Variants in TAF1C observed in about 807,000 individuals in gnomAD.
The protein encoded by TAF1C is TATA box-binding protein-associated factor RNA polymerase I subunit C.
A neutral mutation model predicts 70.5 loss-of-function variants in TAF1C; 79 were observed. That is an observed-to-expected ratio of 1.12 (90% CI 0.93 to 1.35). The LOEUF is 1.35. Ranked by LOEUF, TAF1C falls within the 40% of genes most tolerant of loss-of-function variation. The pLI is 0.00. For missense variants in TAF1C, 1,412 were observed against 1,127.8 expected, an observed-to-expected ratio of 1.25 and a Z score of -3.61; for synonymous variants, 614 against 491.1, an observed-to-expected ratio of 1.25 and a Z score of -3.31.
chr16:84,185,300 T>C (rs1373048439), intron 1 of TAF1C: 10 of 227,188 alleles, frequency 4.4e-5, no homozygotes, highest in Non-Finnish European at 8.6e-6. Context: ...GAGAGAACCA[T>C]GTACGCAACT....
At position 84,179,342 on chromosome 16, in the gene TAF1C, G is replaced by T; in HGVS notation, c.2131C>A (p.Gln711Lys). 6.2e-7 allele frequency: 1 copy of T among 1,601,262 alleles called. No homozygotes were observed. The change falls in exon 15 of 15, where the codon CAG becomes AAG. Residue 711 changes from glutamine (Q) to lysine (K), a missense_variant. Gln to Lys is a moderately conservative substitution (Grantham distance 53, BLOSUM62 1). Transcript: ENST00000566732. ...GRGAAWWERQQGRTSEPGRQT... is the reference protein window; with the variant it reads ...GRGAAWWERQKGRTSEPGRQT... ...CTCCCGGGCTCCGAGGTCCTGCCCT[G>T]CTGCCTCTCCCACCAGGCAGCCCCT... is the stretch of plus-strand genomic sequence containing the variant.
Position 84,181,731 on chromosome 16 carries a change from C to G in TAF1C, c.956+15G>C, listed in dbSNP as rs1198954671. On this transcript the variant is annotated intron_variant, in intron 9 of 14. Coordinates refer to ENST00000566732, the MANE Select transcript of TAF1C (RefSeq NM_001243156.2). ...CCTCCAGCCCCTCCTCACCGACCAA[C>G]CTGACCCCCCTCACCTGAGGCTGAT... is the stretch of plus-strand genomic sequence containing the variant. 1.9e-6 allele frequency: 3 copies of G among 1,613,904 alleles called. No individual in the cohort carries two copies. Among genetic ancestry groups the G allele is most frequent in the Non-Finnish European group, 2.5e-6 (3 of 1,179,810 alleles).
chr16:84,182,665 G>A lies in TAF1C; in HGVS notation c.483-225C>T, dbSNP rs1265290118. On this transcript the variant is annotated intron_variant, in intron 6 of 14. Coordinates refer to ENST00000566732, the MANE Select transcript of TAF1C (RefSeq NM_001243156.2). The surrounding 1 kb of genome is among the most constrained non-coding windows in gnomAD (Gnocchi z 5.0). ...TTGCCACAGTGACTGGTTCACAGAT[G>A]GGTGTGAGACCCAAGCCAAGCCAAC... Among the ~76,000 whole-genome samples, 1 of 152,178 alleles carries A rather than the reference G, an allele frequency of 6.6e-6. No individual in the cohort carries two copies.
Position 84,178,833 on chromosome 16 carries a change from AG to A in TAF1C, c.*107del. The A allele has an allele frequency of 7.8e-7, 1 of 1,276,030 alleles. No homozygotes were observed. Among genetic ancestry groups the A allele is most frequent in the Non-Finnish European group, 1.1e-6 (1 of 937,410 alleles). The allele number at this position is 1,276,030 out of a possible 1,614,324, so 79.0% of individuals were successfully genotyped here. ...TTGGCTCATCATCACAGTGGCCTCC[AG>A]AAGGTGGCGAGCTCTGCTTCTCAAG... On this transcript the variant is annotated 3_prime_UTR_variant, in exon 15 of 15. Transcript: ENST00000566732.
Position 84,184,997 on chromosome 16 carries a change from C to T in TAF1C, c.-9G>A, listed in dbSNP as rs1170180971. ...GAGCTGGGGAAGTCCATCCTGGAAA[C>T]AAGGACCAAGCACCACACTGGCCAC... is the stretch of plus-strand genomic sequence containing the variant. On this transcript the variant is annotated 5_prime_UTR_variant, in exon 2 of 15. Coordinates refer to ENST00000566732, the MANE Select transcript of TAF1C (RefSeq NM_001243156.2). 5.0e-6 allele frequency: 8 copies of T among 1,612,352 alleles called. No homozygotes were observed. The Admixed American group carries it at 1.3e-4, about 27-fold the overall frequency.
In TAF1C at chr16:84,178,224, A is replaced by T; in HGVS notation, c.*717T>A. On this transcript the variant is annotated 3_prime_UTR_variant, in exon 15 of 15. Coordinates refer to ENST00000566732, the MANE Select transcript of TAF1C (RefSeq NM_001243156.2). Reference sequence around the variant, plus strand: ...ATTCCCCCAAACTGACATGACCGTGACCCTCTGCTCAGAGGGCACTATCGA... The same window carrying T: ...ATTCCCCCAAACTGACATGACCGTGTCCCTCTGCTCAGAGGGCACTATCGA... The T allele has an allele frequency of 2.4e-6, 1 of 411,448 alleles. No homozygotes were observed. Among genetic ancestry groups the T allele is most frequent in the East Asian group, 7.1e-5 (1 of 14,136 alleles). The allele number at this position is 411,448 out of a possible 1,614,324, so 25.5% of individuals were successfully genotyped here.
Position 84,183,350 on chromosome 16 carries a change from G to A in TAF1C, c.319-17C>T. ...CCGGCTGATCTGGGGAGAAGAGGAG[G>A]CCAGGTCACTAAGCACAGTCTCCAG... On this transcript the variant is annotated splice_polypyrimidine_tract_variant and intron_variant, in intron 4 of 14. Coordinates refer to ENST00000566732, the MANE Select transcript of TAF1C (RefSeq NM_001243156.2). 3.1e-6 allele frequency: 5 copies of A among 1,613,880 alleles called. No individual in the cohort carries two copies. The highest frequency in any genetic ancestry group is 4.2e-6 in the Non-Finnish European group (5 of 1,179,978).
intron 3 of TAF1C, 78 bp downstream of exon 3, chr16:84,183,619 G>A: frequency 5.2e-6 from 8 of 1,548,264 alleles, no homozygotes; most frequent in Non-Finnish European, 7.1e-6. Flanking sequence ...AGCAGGGAGA[G>A]GAAGGTCTCA....
intron 11 of TAF1C, 58 bp from the exon 12 acceptor site, chr16:84,181,244 T>C: frequency 6.3e-7 from 1 of 1,596,914 alleles, no homozygotes; most frequent in Non-Finnish European, 8.6e-7. Flanking sequence ...GACGCTGTCC[T>C]CGCCCAGGCC....
At position 84,182,166 on chromosome 16, in the gene TAF1C, G is replaced by C. The variant is rs780786693; in HGVS notation, c.721+36C>G. 1 of 1,594,458 alleles carries C rather than the reference G, an allele frequency of 6.3e-7. No homozygotes were observed. Among genetic ancestry groups the C allele is most frequent in the East Asian group, 2.2e-5 (1 of 44,604 alleles). On this transcript the variant is annotated intron_variant, in intron 7 of 14. Coordinates refer to ENST00000566732, the MANE Select transcript of TAF1C (RefSeq NM_001243156.2). This position sits in a 1 kb window ranked among gnomAD's most constrained non-coding sequence, Gnocchi z 5.0. ...AGAGCACCTCCTCTACCAGAGGCGA[G>C]CCCGCTGGAATCTCCTGTCTCGCAA...
chr16:84,185,857 G>A (rs1174106333), intron 1 of TAF1C, among the ~76,000 whole-genome samples: 4 of 152,040 alleles, frequency 2.6e-5, no homozygotes, highest in Non-Finnish European at 4.4e-5. Flanking sequence ...CTGAGATCGC[G>A]CCATTGCACT....
Position 84,178,863 on chromosome 16 carries a change from C to A in TAF1C, c.*78G>T. ...GTGGCGAGCTCTGCTTCTCAAGTTT[C>A]AACTGTGGAAGGCACATCTGGTCCC... On this transcript the variant is annotated 3_prime_UTR_variant, in exon 15 of 15. Transcript: ENST00000566732. The A allele has an allele frequency of 6.8e-7, 1 of 1,459,882 alleles. No homozygotes were observed. Among genetic ancestry groups the A allele is most frequent in the South Asian group, 1.4e-5 (1 of 73,230 alleles). 90.4% of individuals were successfully genotyped at this position (1,459,882 alleles called of 1,614,324 possible).
At chr16:84,186,206 C>G (rs745974849) in intron 1 of TAF1C, among the ~76,000 whole-genome samples, 1 of 152,220 alleles carries the variant, frequency 6.6e-6, no homozygotes, top group Non-Finnish European at 1.5e-5. Context: ...CGAACCAGTG[C>G]TCTCGCATGC....
Position 84,181,085 on chromosome 16 carries a change from G to C in TAF1C, c.1266C>G (p.Ser422Arg). ...GAAGAGTAGGGGGGAGGCATTTGGGGCTGGAGTGCCCCAGGTACTGGGTAA... is the reference window on the plus strand; with the variant it reads ...GAAGAGTAGGGGGGAGGCATTTGGGCCTGGAGTGCCCCAGGTACTGGGTAA... ...VLLTQYLGHS[S>R]PKCLPPTLHL... Residue 422 changes from serine (S) to arginine (R), a missense_variant, in exon 12 of 15, where the codon AGC (serine) becomes AGG (arginine). Transcript: ENST00000566732. 1 of 1,612,608 alleles carries C rather than the reference G, an allele frequency of 6.2e-7. No homozygotes were observed. Among genetic ancestry groups the C allele is most frequent in the Non-Finnish European group, 8.5e-7 (1 of 1,178,870 alleles).
chr16:84,184,733 A>C, intron 2 of TAF1C, 118 bp downstream of exon 2: 5 of 1,310,254 alleles, frequency 3.8e-6, no homozygotes, highest in Non-Finnish European at 5.2e-6. Context: ...CCTGTGTCTC[A>C]GCAGACTCGT....
chr16:84,183,458 C>G lies in TAF1C; in HGVS notation c.270G>C (p.Gly90=). 5 of 1,612,104 alleles carry G rather than the reference C, an allele frequency of 3.1e-6. No individual in the cohort carries two copies. The highest frequency in any genetic ancestry group is 3.4e-6 in the Non-Finnish European group (4 of 1,179,160). ...CTCGGGGCCGCTTCCGATACCGGCA[C>G]CCTCCGCGGAAAAGCAGGTCCCGGG... ...LTARDLLFRG[G]CRYRKRPRVV... is the part of the protein sequence containing the mutation. The change falls in exon 4 of 15, where the codon GGG becomes GGC. Residue 90 remains glycine (G), a synonymous_variant. Coordinates refer to ENST00000566732, the MANE Select transcript of TAF1C (RefSeq NM_001243156.2).
rs2088833007 is a variant in TAF1C, at chr16:84,177,962, C to T, written c.*979G>A. The stretch of plus-strand genomic sequence containing the variant: ...TGGGCTAGCTCCTGTTTGTGTGAGT[C>T]ACATGCAATTCCTTTCACCAGCCAA... On this transcript the variant is annotated 3_prime_UTR_variant, in exon 15 of 15. Coordinates refer to ENST00000566732, the MANE Select transcript of TAF1C (RefSeq NM_001243156.2). 8 of 842,572 alleles carry T rather than the reference C, an allele frequency of 9.5e-6. No individual in the cohort carries two copies. Among genetic ancestry groups the T allele is most frequent in the Non-Finnish European group, 1.4e-5 (7 of 507,766 alleles). 52.2% of individuals were successfully genotyped at this position (842,572 alleles called of 1,614,324 possible).
rs768014568 is a variant in TAF1C, at chr16:84,182,036, G to A, written c.744C>T (p.Thr248=). 6.2e-7 allele frequency: 1 copy of A among 1,613,364 alleles called. No homozygotes were observed. The highest frequency in any genetic ancestry group is 2.2e-5 in the East Asian group (1 of 44,858). The change falls in exon 8 of 15, where the codon ACC becomes ACT. Residue 248 remains threonine (T), a synonymous_variant. Transcript: ENST00000566732. The surrounding 1 kb of genome is among the most constrained non-coding windows in gnomAD (Gnocchi z 5.0). ...CAAGGAATTGGGGATTGTCACCTGG[G>A]GTCAGAACGACCTCTTGGAAATCTG... ...DRLHFQEVVL[T]PGDNPQFLGK...
rs114009803 is a variant in TAF1C at position 84,184,720 on chromosome 16, G to A, written c.138+131C>T. 558 of 1,206,336 alleles carry A rather than the reference G, an allele frequency of 4.6e-4. 2 individuals are homozygous for A. In the African/African-American group the frequency reaches 7.8e-3, roughly 17 times the overall value. 74.7% of individuals were successfully genotyped at this position (1,206,336 alleles called of 1,614,324 possible). A position where few individuals can be genotyped will look rare whatever the true frequency, so the allele number is the denominator to read the frequency against. On this transcript the variant is annotated intron_variant, in intron 2 of 14. Coordinates refer to ENST00000566732, the MANE Select transcript of TAF1C (RefSeq NM_001243156.2). The stretch of plus-strand genomic sequence containing the variant: ...CCCATGTACCCCAGAGGAGGTGGCA[G>A]AGCCTGTGTCTCAGCAGACTCGTGT...
Sources: gnomAD v4.1 joint callset for allele counts (sites outside exome capture counted in the v4.1 genomes callset) on GRCh38, gnomAD v4.1.1 for gene constraint, Gnocchi (gnomAD v3.1) non-coding constraint, MANE v1.5 for transcripts, NCBI Gene and HGNC (gene_info 2026-07-23, HGNC 2026-07-21) for gene names.